The following TEAD1 variants were observed in gnomAD, a reference collection of about 807,000 sequenced individuals.
The protein encoded by TEAD1 is transcriptional enhancer factor TEF-1.
A neutral mutation model predicts 54.9 loss-of-function variants in TEAD1; 9 were observed. The observed-to-expected ratio is 0.16, with a 90% CI of 0.10 to 0.29. The LOEUF is 0.29. Ranked by LOEUF, TEAD1 falls within the 10% of genes least tolerant of loss-of-function variation. TEAD1 has a pLI of 1.00. For missense variants in TEAD1, 387 were observed against 535.9 expected, an observed-to-expected ratio of 0.72 and a Z score of 2.74; for synonymous variants, 200 against 187.8, an observed-to-expected ratio of 1.07 and a Z score of -0.53.
intron 5 of TEAD1, among the ~76,000 whole-genome samples, chr11:12,868,623 G>A (rs1168468369): frequency 6.6e-6 from 1 of 152,194 alleles, no homozygotes; most frequent in Non-Finnish European, 1.5e-5. Context: ...TTGTGGACTA[G>A]ATCACCCCCA....
intron 3 of TEAD1, among the ~76,000 whole-genome samples, chr11:12,804,042 A>G (rs1228428712): frequency 6.6e-6 from 1 of 152,256 alleles, no homozygotes; most frequent in African/African-American, 2.4e-5. Flanking sequence ...TCAGGAAATC[A>G]TGAAGCTTAG....
chr11:12,910,090 G>C lies in TEAD1; in HGVS notation c.873+7977G>C, dbSNP rs1213442752. The stretch of plus-strand genomic sequence containing the variant: ...TGGATTGCCAGTGACGTGGCAGACA[G>C]TGCAATTAATGTAACAAAATGTCAA... On this transcript the variant is annotated intron_variant, in intron 10 of 12. Coordinates refer to ENST00000527636, the MANE Select transcript of TEAD1 (RefSeq NM_021961.6). Among the ~76,000 whole-genome samples, 3 of 152,310 alleles carry C rather than the reference G, an allele frequency of 2.0e-5. No homozygotes were observed. The South Asian group carries it at 6.2e-4, about 32-fold the overall frequency.
chr11:12,777,971 C>T (rs1945465437), intron 3 of TEAD1, among the ~76,000 whole-genome samples: 1 of 152,070 alleles, frequency 6.6e-6, no homozygotes, highest in African/African-American at 2.4e-5. Context: ...ATGTGACAGT[C>T]AAAATAATAA....
chr11:12,935,259 G>A (rs1949079330), intron 12 of TEAD1, among the ~76,000 whole-genome samples: 1 of 152,100 alleles, frequency 6.6e-6, no homozygotes, highest in African/African-American at 2.4e-5. Flanking sequence ...TCTCTGCGTG[G>A]TGAATATGCA....
intron 3 of TEAD1, among the ~76,000 whole-genome samples, chr11:12,825,142 T>C (rs530285973): frequency 6.6e-6 from 1 of 152,360 alleles, no homozygotes; most frequent in East Asian, 1.9e-4. Context: ...TTGGGTGGAC[T>C]GCTTCTTCAT....
At chr11:12,744,856 T>G (rs1156721785) in intron 2 of TEAD1, among the ~76,000 whole-genome samples, 1 of 152,208 alleles carries the variant, frequency 6.6e-6, no homozygotes, top group African/African-American at 2.4e-5. Context: ...CTCCTCGCGT[T>G]GAGGCACCTG....
At chr11:12,730,564 G>C (rs1379686489) in intron 2 of TEAD1, among the ~76,000 whole-genome samples, 1 of 151,720 alleles carries the variant, frequency 6.6e-6, no homozygotes, top group African/African-American at 2.4e-5. Flanking sequence ...CTAGAGCAGC[G>C]ATGGCTCAAG....
At position 12,715,114 on chromosome 11, in the gene TEAD1, A is replaced by G. The variant is rs551613928; in HGVS notation, c.-55+39553A>G. On this transcript the variant is annotated intron_variant, in intron 2 of 12. Transcript: ENST00000527636. ...AATCTCTACCCTTATGGAGCATACC[A>G]TGGGGTCGGGGAGTTTAGTGGTCTT... Among the ~76,000 whole-genome samples the G allele has an allele frequency of 1.6e-4, 24 of 152,230 alleles. No homozygotes were observed. The South Asian group carries it at 4.8e-3, about 30-fold the overall frequency.
At chr11:12,868,300 G>A (rs79606495) in intron 5 of TEAD1, among the ~76,000 whole-genome samples, 7,641 of 152,218 alleles carry the variant, frequency 0.05, 266 homozygotes, top group Non-Finnish European at 0.069. Flanking sequence ...CTATTCCATT[G>A]AATCAGGTTT....
At chr11:12,831,748 C>T (rs1383278981) in intron 3 of TEAD1, among the ~76,000 whole-genome samples, 1 of 149,828 alleles carries the variant, frequency 6.7e-6, no homozygotes, top group Non-Finnish European at 1.5e-5. Context: ...TGCTGCTGTA[C>T]TCTAGCCTGG....
intron 3 of TEAD1, among the ~76,000 whole-genome samples, chr11:12,819,574 A>G (rs1434291403): frequency 6.6e-6 from 1 of 151,886 alleles, no homozygotes; most frequent in Non-Finnish European, 1.5e-5. Context: ...TCAGCCTCCC[A>G]AGTAGCTGGG....
At chr11:12,823,523 C>G (rs1946593162) in intron 3 of TEAD1, 1 of 152,152 alleles carries the variant, frequency 6.6e-6, no homozygotes, top group South Asian at 2.1e-4. Flanking sequence ...TCTCAGACAC[C>G]CTGGCCTCTT....
At chr11:12,861,415 G>A (rs376686089) in intron 3 of TEAD1, among the ~76,000 whole-genome samples, 2 of 152,204 alleles carry the variant, frequency 1.3e-5, no homozygotes, top group South Asian at 2.1e-4. Flanking sequence ...CTACCTTTAG[G>A]GGGTGTCTGC....
chr11:12,778,297 G>A (rs542963690), intron 3 of TEAD1, among the ~76,000 whole-genome samples: 26 of 152,256 alleles, frequency 1.7e-4, no homozygotes, highest in African/African-American at 5.8e-4. Flanking sequence ...CCTGGCTAGG[G>A]TGGAAGAGAG....
intron 5 of TEAD1, among the ~76,000 whole-genome samples, chr11:12,869,181 A>G (rs188484104): frequency 6.6e-6 from 1 of 152,278 alleles, no homozygotes; most frequent in Admixed American, 6.5e-5. Context: ...GGTTCATTCA[A>G]ATTTACCCTC....
At chr11:12,680,517 A>G (rs1943196931) in intron 2 of TEAD1, among the ~76,000 whole-genome samples, 4 of 152,112 alleles carry the variant, frequency 2.6e-5, no homozygotes, top group Non-Finnish European at 5.9e-5. Context: ...AGAAAAGCGC[A>G]TTGTCTGCTT....
chr11:12,840,098 T>C (rs1348745993), intron 3 of TEAD1, among the ~76,000 whole-genome samples: 1 of 151,546 alleles, frequency 6.6e-6, no homozygotes, highest in African/African-American at 2.4e-5. Flanking sequence ...ATACAAAAAA[T>C]TAGCCAGGTG....
At chr11:12,811,013 C>T (rs190530589) in intron 3 of TEAD1, among the ~76,000 whole-genome samples, 10 of 152,290 alleles carry the variant, frequency 6.6e-5, no homozygotes, top group Admixed American at 6.5e-4. Flanking sequence ...GCATAGAGGC[C>T]AGCCCTCTCA....
chr11:12,843,275 C>A (rs1947076171), intron 3 of TEAD1, among the ~76,000 whole-genome samples: 1 of 152,112 alleles, frequency 6.6e-6, no homozygotes, highest in Admixed American at 6.5e-5. Context: ...ATCTATAGAT[C>A]CCCTCAGATT....
Sources: allele counts gnomAD v4.1 joint callset (sites outside exome capture counted in the v4.1 genomes callset), GRCh38; gene constraint gnomAD v4.1.1; transcripts MANE v1.5; gene names NCBI Gene and HGNC (gene_info 2026-07-23, HGNC 2026-07-21).